VAT1L: variants seen among roughly 807,000 people sequenced by gnomAD.
VAT1L encodes vesicle amine transport 1 like.
In VAT1L, 34 loss-of-function variants were observed where a neutral mutation model predicts 44.1. The observed-to-expected ratio is 0.77, with a 90% CI of 0.59 to 1.03. VAT1L has a LOEUF of 1.03. Ranked by LOEUF, VAT1L falls within the 50% of genes least tolerant of loss-of-function variation. The pLI is 0.00. For missense variants in VAT1L, 615 were observed against 538.8 expected, an observed-to-expected ratio of 1.14 and a Z score of -1.40; for synonymous variants, 253 against 202.2, an observed-to-expected ratio of 1.25 and a Z score of -2.13.
chr16:77,897,756 TG>T (rs2017339263), intron 7 of VAT1L, among the ~76,000 whole-genome samples: 1 of 152,208 alleles, frequency 6.6e-6, no homozygotes, highest in African/African-American at 2.4e-5. Flanking sequence ...ATTCCAGGTG[TG>T]AGCCACTGCG....
At chr16:77,912,329 A>G (rs1326649030) in intron 7 of VAT1L, among the ~76,000 whole-genome samples, 1 of 152,212 alleles carries the variant, frequency 6.6e-6, no homozygotes, top group Non-Finnish European at 1.5e-5. Flanking sequence ...TTCATATAAT[A>G]TGAGTTCAAT....
chr16:77,937,489 C>T (rs549297020), intron 7 of VAT1L, among the ~76,000 whole-genome samples: 13 of 152,284 alleles, frequency 8.5e-5, no homozygotes, highest in African/African-American at 3.1e-4. Context: ...AGACTTTCCC[C>T]CACTACCTCC....
chr16:77,839,199 G>A (rs1014556804), intron 3 of VAT1L, among the ~76,000 whole-genome samples: 2 of 152,092 alleles, frequency 1.3e-5, no homozygotes, highest in African/African-American at 4.8e-5. Context: ...GGGAATGAGA[G>A]GTGAAGGGAA....
intron 7 of VAT1L, among the ~76,000 whole-genome samples, chr16:77,944,862 A>G (rs951080054): frequency 6.6e-6 from 1 of 152,166 alleles, no homozygotes; most frequent in Non-Finnish European, 1.5e-5. Context: ...AGAAAGGAAA[A>G]GAGTCCAAAC....
intron 1 of VAT1L, among the ~76,000 whole-genome samples, chr16:77,797,641 A>G (rs2015962745): frequency 6.6e-6 from 1 of 152,182 alleles, no homozygotes; most frequent in South Asian, 2.1e-4. Flanking sequence ...TCTCATTCAA[A>G]GGAGTCAAAT....
intron 1 of VAT1L, among the ~76,000 whole-genome samples, chr16:77,805,321 A>G (rs2016135891): frequency 6.6e-6 from 1 of 152,024 alleles, no homozygotes. Flanking sequence ...TGAGCAAATC[A>G]AAAAAGAAAA....
At chr16:77,951,785 T>C (rs750479922) in intron 7 of VAT1L, among the ~76,000 whole-genome samples, 4 of 151,770 alleles carry the variant, frequency 2.6e-5, no homozygotes, top group Non-Finnish European at 5.9e-5. Context: ...CTTTGATGTA[T>C]TGGTTTTGTG....
intron 3 of VAT1L, 70 bp downstream of exon 3, chr16:77,825,531 G>A (rs571215914): frequency 1.6e-4 from 244 of 1,497,864 alleles, no homozygotes; most frequent in Non-Finnish European, 2.2e-4. Context: ...ACCCCCCTGA[G>A]GTCTTATGTG....
At chr16:77,876,673 T>A (rs1462214522) in intron 5 of VAT1L, among the ~76,000 whole-genome samples, 200 bp downstream of exon 5, 1 of 152,194 alleles carries the variant, frequency 6.6e-6, no homozygotes, top group African/African-American at 2.4e-5. Context: ...CTGTCCTATA[T>A]CCTATTATTT....
chr16:77,933,599 G>T (rs2017756799), intron 7 of VAT1L, among the ~76,000 whole-genome samples: 1 of 152,236 alleles, frequency 6.6e-6, no homozygotes, highest in Non-Finnish European at 1.5e-5. Flanking sequence ...AAGGGATGGG[G>T]AAGGCAGGTA....
At chr16:77,870,932 A>C (rs557556260) in intron 4 of VAT1L, among the ~76,000 whole-genome samples, 6 of 152,280 alleles carry the variant, frequency 3.9e-5, no homozygotes, top group East Asian at 3.9e-4. Flanking sequence ...GTGTGGGTGT[A>C]ACTGAGGCAG....
intron 7 of VAT1L, among the ~76,000 whole-genome samples, chr16:77,963,778 C>G (rs1283060489): frequency 1.3e-5 from 2 of 151,994 alleles, no homozygotes; most frequent in Non-Finnish European, 2.9e-5. Flanking sequence ...ATTTGGTAAA[C>G]AGGGGAATAT....
chr16:77,914,481 G>C (rs1157392506), intron 7 of VAT1L, among the ~76,000 whole-genome samples: 1 of 152,194 alleles, frequency 6.6e-6, no homozygotes, highest in Non-Finnish European at 1.5e-5. Context: ...ATCCGGGCTT[G>C]ATTTATCACT....
intron 7 of VAT1L, among the ~76,000 whole-genome samples, chr16:77,886,309 G>T (rs763906416): frequency 2.0e-5 from 3 of 152,164 alleles, no homozygotes; most frequent in Non-Finnish European, 4.4e-5. Flanking sequence ...CAGGGAAAGG[G>T]CTGGGCTACC....
chr16:77,801,820 AC>A (rs1204226873), intron 1 of VAT1L: 1 of 151,934 alleles, frequency 6.6e-6, no homozygotes, highest in Non-Finnish European at 1.5e-5. Context: ...TATTAAACCT[AC>A]CATACCTATG....
intron 1 of VAT1L, among the ~76,000 whole-genome samples, chr16:77,805,260 C>A (rs569866055): frequency 1.6e-4 from 24 of 152,262 alleles, no homozygotes; most frequent in African/African-American, 5.8e-4. Flanking sequence ...TCTTTCCTAG[C>A]AAATTTGTGT....
chr16:77,954,667 A>G (rs190627147), intron 7 of VAT1L, among the ~76,000 whole-genome samples: 81 of 152,298 alleles, frequency 5.3e-4, no homozygotes, highest in African/African-American at 1.9e-3. Context: ...TCCCCCTCTC[A>G]GGGGCATCTT....
Position 77,788,806 on chromosome 16 carries a change from A to T in VAT1L, c.124A>T (p.Met42Leu). Reference protein sequence around the residue: ...GSHRLGDAQEMRAVVLAGFGG... With the variant: ...GSHRLGDAQELRAVVLAGFGG... Reference sequence around the variant, plus strand: ...GCACCGCCTCGGGGACGCCCAGGAGATGCGCGCGGTGGTGCTGGCTGGCTT... The same window carrying T: ...GCACCGCCTCGGGGACGCCCAGGAGTTGCGCGCGGTGGTGCTGGCTGGCTT... Residue 42 changes from methionine (M) to leucine (L), a missense_variant, in exon 1 of 9, where the codon ATG becomes TTG. Met to Leu is a conservative substitution (Grantham distance 15, BLOSUM62 2). Coordinates refer to ENST00000302536, the MANE Select transcript of VAT1L (RefSeq NM_020927.3). 1 of 1,574,428 alleles carries T rather than the reference A, an allele frequency of 6.4e-7. No individual in the cohort carries two copies. Among genetic ancestry groups the T allele is most frequent in the Non-Finnish European group, 8.6e-7 (1 of 1,161,076 alleles).
At chr16:77,795,320 A>T (rs948792176) in intron 1 of VAT1L, among the ~76,000 whole-genome samples, 1 of 152,134 alleles carries the variant, frequency 6.6e-6, no homozygotes, top group Non-Finnish European at 1.5e-5. Flanking sequence ...TTGTTTTAAT[A>T]ATATTTTACA....
Sources: gnomAD v4.1 joint callset for allele counts (sites outside exome capture counted in the v4.1 genomes callset) on GRCh38, gnomAD v4.1.1 for gene constraint, MANE v1.5 for transcripts, NCBI Gene and HGNC (gene_info 2026-07-23, HGNC 2026-07-21) for gene names.